CLIC4: variants seen among roughly 807,000 people sequenced by gnomAD.
CLIC4 encodes chloride intracellular channel protein 4.
A neutral mutation model predicts 24.6 loss-of-function variants in CLIC4; 13 were observed. That is an observed-to-expected ratio of 0.53 (90% CI 0.34 to 0.84). The LOEUF (loss-of-function observed/expected upper bound fraction) is 0.84. Among genes scored for constraint, CLIC4 ranks in the 40% least tolerant of loss-of-function variants. The pLI, the probability that CLIC4 is intolerant of heterozygous loss-of-function variation, is 0.01. For missense variants in CLIC4, 227 were observed against 301.7 expected (o/e 0.75, Z 1.83); for synonymous variants, 104 against 111.3 (o/e 0.93, Z 0.41).
intron 2 of CLIC4, among the ~76,000 whole-genome samples, chr1:24,799,646 GT>G (rs1216960918): frequency 1.5e-4 from 20 of 135,708 alleles, no homozygotes; most frequent in African/African-American, 5.6e-4. Flanking sequence ...GGGGAGGGAG[GT>G]GGGGGGGGTC....
At chr1:24,761,915 C>T (rs538990484) in intron 1 of CLIC4, among the ~76,000 whole-genome samples, 5 of 152,012 alleles carry the variant, frequency 3.3e-5, no homozygotes, top group East Asian at 3.9e-4. Context: ...CAAGAGTTGC[C>T]GTTCATGGAG....
intron 2 of CLIC4, among the ~76,000 whole-genome samples, chr1:24,801,564 A>G (rs1639490809): frequency 6.6e-6 from 1 of 152,210 alleles, no homozygotes. Context: ...ACCATATTAT[A>G]TATCAAGTCA....
At chr1:24,827,495 A>G (rs1639798229) in intron 4 of CLIC4, among the ~76,000 whole-genome samples, 1 of 150,482 alleles carries the variant, frequency 6.6e-6, no homozygotes, top group African/African-American at 2.5e-5. Context: ...TTTAAACTGT[A>G]ACTAAATGTT....
At chr1:24,782,233 C>CA (rs892684553) in intron 1 of CLIC4, among the ~76,000 whole-genome samples, 3 of 152,154 alleles carry the variant, frequency 2.0e-5, no homozygotes, top group Non-Finnish European at 4.4e-5. Flanking sequence ...AACTGAAACT[C>CA]ACAAAACCAT....
chr1:24,783,713 AAAAG>A (rs1227727503), intron 1 of CLIC4, among the ~76,000 whole-genome samples: 1 of 152,208 alleles, frequency 6.6e-6, no homozygotes, highest in Non-Finnish European at 1.5e-5. Context: ...AAAAAAATAA[AAAAG>A]AAAAATTTGT....
chr1:24,803,614 G>A (rs987397876), intron 2 of CLIC4, among the ~76,000 whole-genome samples: 1 of 151,970 alleles, frequency 6.6e-6, no homozygotes, highest in Non-Finnish European at 1.5e-5. Context: ...TTTAAAGAAC[G>A]TTTAGATAGA....
At chr1:24,746,789 A>T (rs895425097) in intron 1 of CLIC4, among the ~76,000 whole-genome samples, 1 of 152,228 alleles carries the variant, frequency 6.6e-6, no homozygotes, top group South Asian at 2.1e-4. Context: ...TGGGAGGATT[A>T]CTTGAGTCCA....
chr1:24,820,089 A>ATATATATATATATT, intron 3 of CLIC4, among the ~76,000 whole-genome samples: 1 of 96,160 alleles, frequency 1.0e-5, no homozygotes. Flanking sequence ...GTATATATAT[A>ATATATATATATATT]TATATATAGA....
intron 1 of CLIC4, among the ~76,000 whole-genome samples, chr1:24,766,473 G>GTTTTTTTTTTTTTTTTTTTTTTT (rs71032855): frequency 1.6e-5 from 1 of 62,078 alleles, no homozygotes; most frequent in Admixed American, 2.4e-4. Context: ...TGCCCAGACG[G>GTTTTTTTTTTTTTTTTTTTTTTT]TTTTTTTTTT....
intron 4 of CLIC4, among the ~76,000 whole-genome samples, chr1:24,837,172 T>C (rs536437664): frequency 6.6e-6 from 1 of 151,626 alleles, no homozygotes; most frequent in East Asian, 1.9e-4. Context: ...AATGGATAAA[T>C]CCTTGAAAAG....
intron 1 of CLIC4, among the ~76,000 whole-genome samples, chr1:24,774,215 G>T (rs1280262289): frequency 3.3e-5 from 5 of 152,082 alleles, no homozygotes; most frequent in Admixed American, 3.3e-4. Context: ...AGCTCAGGCA[G>T]TCCGCCTGCC....
chr1:24,768,050 A>G (rs973096968), intron 1 of CLIC4, among the ~76,000 whole-genome samples: 2 of 152,080 alleles, frequency 1.3e-5, no homozygotes, highest in African/African-American at 4.8e-5. Context: ...CATGTTGGTC[A>G]GGCTGATCTC....
chr1:24,761,253 G>GAACCT (rs1160699129), intron 1 of CLIC4, among the ~76,000 whole-genome samples: 1 of 152,048 alleles, frequency 6.6e-6, no homozygotes, highest in Non-Finnish European at 1.5e-5. Context: ...ATACCTCATA[G>GAACCT]AACCTATCAT....
chr1:24,754,151 C>A (rs1257610654), intron 1 of CLIC4, among the ~76,000 whole-genome samples: 1 of 152,092 alleles, frequency 6.6e-6, no homozygotes, highest in Non-Finnish European at 1.5e-5. Context: ...TGGCAAAGGC[C>A]AAATTTGATG....
chr1:24,771,104 A>G (rs537598530), intron 1 of CLIC4, among the ~76,000 whole-genome samples: 1 of 152,180 alleles, frequency 6.6e-6, no homozygotes, highest in Non-Finnish European at 1.5e-5. Flanking sequence ...AGCCCTTACG[A>G]ACGTGCTATG....
chr1:24,785,719 G>T (rs1394252981), intron 1 of CLIC4, among the ~76,000 whole-genome samples: 1 of 151,998 alleles, frequency 6.6e-6, no homozygotes, highest in African/African-American at 2.4e-5. Flanking sequence ...AGACATGGTG[G>T]CAGGTGCCTA....
At chr1:24,766,298 C>T (rs534544327) in intron 1 of CLIC4, among the ~76,000 whole-genome samples, 24 of 149,834 alleles carry the variant, frequency 1.6e-4, no homozygotes, top group Admixed American at 2.7e-4. Context: ...GCACCACGCC[C>T]GGCCTATATT....
chr1:24,757,147 G>A (rs764413042), intron 1 of CLIC4, among the ~76,000 whole-genome samples: 2 of 151,786 alleles, frequency 1.3e-5, no homozygotes, highest in Non-Finnish European at 2.9e-5. Flanking sequence ...CGCCTGCCTC[G>A]GCCTCCCAAA....
intron 1 of CLIC4, among the ~76,000 whole-genome samples, chr1:24,746,331 A>G (rs924844599): frequency 1.3e-5 from 2 of 152,034 alleles, no homozygotes; most frequent in African/African-American, 2.4e-5. Context: ...TTCGGGAAGG[A>G]TTGTGTGTGC....
Sources: gnomAD v4.1 joint callset for allele counts (sites outside exome capture counted in the v4.1 genomes callset) on GRCh38, gnomAD v4.1.1 for gene constraint, MANE v1.5 for transcripts, NCBI Gene and HGNC (gene_info 2026-07-23, HGNC 2026-07-21) for gene names.